BCL2: variants seen among roughly 807,000 people sequenced by gnomAD.
BCL2 encodes BCL2 apoptosis regulator.
Under a neutral mutation model 14.2 loss-of-function variants are expected in BCL2, and 1 was observed. The ratio of observed to expected loss-of-function variants is 0.07; its 90% CI spans 0.02 to 0.33. The LOEUF is 0.33. Among genes scored for constraint, BCL2 ranks in the 10% least tolerant of loss-of-function variants. The probability of loss-of-function intolerance (pLI) is 0.99; values close to 1 mark genes in which losing one functional copy is unlikely to be tolerated. For synonymous variants in BCL2, 151 were observed against 137.2 expected (o/e 1.10, Z -0.70); for missense variants, 247 against 305.9 (o/e 0.81, Z 1.44).
chr18:63,155,992 T>C (rs1914770777), intron 2 of BCL2, among the ~76,000 whole-genome samples: 1 of 151,866 alleles, frequency 6.6e-6, no homozygotes, highest in South Asian at 2.1e-4. Flanking sequence ...GGGACTCTTG[T>C]TCTTTTTCTT....
intron 2 of BCL2, among the ~76,000 whole-genome samples, chr18:63,141,644 G>T (rs1175781266): frequency 6.6e-6 from 1 of 152,236 alleles, no homozygotes; most frequent in Non-Finnish European, 1.5e-5. Flanking sequence ...TCCACTGCCT[G>T]ACAGGGGCTG....
chr18:63,213,122 T>C (rs1910093104), intron 2 of BCL2, among the ~76,000 whole-genome samples: 1 of 152,186 alleles, frequency 6.6e-6, no homozygotes, highest in Admixed American at 6.5e-5. Context: ...TCTGTGTTAC[T>C]TTTGCTCCCA....
rs1021127771 is a variant in BCL2, at chr18:63,302,303, A to G, written c.585+15779T>C. On this transcript the variant is annotated intron_variant, in intron 2 of 2. Transcript: ENST00000333681. ...GCAACAAGAGCAAAACTCCTTCTCA[A>G]AAAAAAAAAAAAGAGAGAGAAAGAG... 6.3e-6 allele frequency: 5 copies of G among 789,316 alleles called. No homozygotes were observed. The African/African-American group carries it at 9.5e-5, about 15-fold the overall frequency. 48.9% of individuals were successfully genotyped at this position (789,316 alleles called of 1,614,324 possible). A position where few individuals can be genotyped will look rare whatever the true frequency, so the allele number is the denominator to read the frequency against.
At chr18:63,307,567 T>C (rs111619138) in intron 2 of BCL2, among the ~76,000 whole-genome samples, 264 of 152,360 alleles carry the variant, frequency 1.7e-3, no homozygotes, top group Non-Finnish European at 3.5e-3. Flanking sequence ...TTTTTTTCCC[T>C]GAGCCACAAG....
chr18:63,143,350 T>C (rs1400523935), intron 2 of BCL2, among the ~76,000 whole-genome samples: 3 of 152,258 alleles, frequency 2.0e-5, no homozygotes, highest in Non-Finnish European at 4.4e-5. Context: ...GACAGCTGGC[T>C]GACCTGACCC....
intron 2 of BCL2, among the ~76,000 whole-genome samples, chr18:63,198,924 G>A (rs1354050627): frequency 1.4e-5 from 2 of 145,206 alleles, no homozygotes; most frequent in Non-Finnish European, 3.0e-5. Context: ...GACACACACA[G>A]ACACAGAGAC....
intron 2 of BCL2, among the ~76,000 whole-genome samples, chr18:63,273,066 G>T (rs774991309): frequency 1.3e-5 from 2 of 151,352 alleles, no homozygotes; most frequent in Non-Finnish European, 2.9e-5. Context: ...TGATAATGCA[G>T]CAGGATTTTC....
intron 2 of BCL2, among the ~76,000 whole-genome samples, chr18:63,187,389 T>G (rs1029856249): frequency 6.6e-6 from 1 of 152,254 alleles, no homozygotes; most frequent in Non-Finnish European, 1.5e-5. Flanking sequence ...ACAGATGTAC[T>G]GTGTGCCCTT....
chr18:63,263,097 C>T (rs1911707752), intron 2 of BCL2, among the ~76,000 whole-genome samples: 1 of 152,168 alleles, frequency 6.6e-6, no homozygotes, highest in South Asian at 2.1e-4. Flanking sequence ...AAACTGTGCT[C>T]ATCAGGGAAC....
intron 2 of BCL2, among the ~76,000 whole-genome samples, chr18:63,225,632 G>A (rs1275636476): frequency 1.3e-5 from 2 of 152,210 alleles, no homozygotes; most frequent in Non-Finnish European, 2.9e-5. Flanking sequence ...GGGAACTGGA[G>A]TGCATGGGCG....
At chr18:63,260,610 C>A (rs749341632) in intron 2 of BCL2, among the ~76,000 whole-genome samples, 1 of 152,118 alleles carries the variant, frequency 6.6e-6, no homozygotes, top group Non-Finnish European at 1.5e-5. Flanking sequence ...CATAACCCAA[C>A]TTCTTAAGGG....
intron 2 of BCL2, among the ~76,000 whole-genome samples, chr18:63,209,532 C>T (rs971629078): frequency 1.3e-5 from 2 of 152,096 alleles, no homozygotes; most frequent in Non-Finnish European, 2.9e-5. Context: ...TATAAATCCT[C>T]AACCCAATAC....
rs188466538 is a variant in BCL2, at chr18:63,308,207, C to T, written c.585+9875G>A. Among the ~76,000 whole-genome samples, 20 of 152,276 alleles carry T rather than the reference C, an allele frequency of 1.3e-4. 1 individual carries two copies. Among genetic ancestry groups the T allele is most frequent in the Admixed American group, 7.2e-4 (11 of 15,302 alleles). ...TTAGAAATGGAATCTTAGGTTCTGT[C>T]GCCTCTGGGAATGCCGCACTGTACT... is the stretch of plus-strand genomic sequence containing the variant. On this transcript the variant is annotated intron_variant, in intron 2 of 2. Coordinates refer to ENST00000333681, the MANE Select transcript of BCL2 (RefSeq NM_000633.3).
intron 2 of BCL2, among the ~76,000 whole-genome samples, chr18:63,252,360 A>G (rs1911342037): frequency 6.6e-6 from 1 of 152,122 alleles, no homozygotes; most frequent in Non-Finnish European, 1.5e-5. Flanking sequence ...ATATGTCCTC[A>G]TATCTTAGTG....
chr18:63,169,431 CTTTT>C (rs1403870005), intron 2 of BCL2, among the ~76,000 whole-genome samples: 1 of 134,974 alleles, frequency 7.4e-6, no homozygotes, highest in Admixed American at 7.7e-5. Flanking sequence ...CTCTCTCTTT[CTTTT>C]TCTTTCTTTC....
At chr18:63,232,090 G>A (rs377356272) in intron 2 of BCL2, among the ~76,000 whole-genome samples, 34 of 152,008 alleles carry the variant, frequency 2.2e-4, no homozygotes, top group African/African-American at 8.0e-4. Context: ...CTAATAGGTG[G>A]TTCGCAGACA....
At chr18:63,222,295 G>A (rs1177250295) in intron 2 of BCL2, among the ~76,000 whole-genome samples, 60 of 136,426 alleles carry the variant, frequency 4.4e-4, no homozygotes, top group African/African-American at 5.4e-4. Context: ...AAAAGAAAAA[G>A]AAAAAAGAAA....
intron 2 of BCL2, among the ~76,000 whole-genome samples, chr18:63,141,340 G>A (rs574230993): frequency 2.6e-5 from 4 of 152,224 alleles, no homozygotes; most frequent in East Asian, 1.9e-4. Flanking sequence ...TCTTCCATCC[G>A]CCACTTCTCC....
intron 2 of BCL2, among the ~76,000 whole-genome samples, chr18:63,297,680 A>G (rs770883628): frequency 6.6e-6 from 1 of 152,212 alleles, no homozygotes. Flanking sequence ...AGAATAAAGG[A>G]CTTTTTGAAA....
Sources: gnomAD v4.1 joint callset for allele counts (sites outside exome capture counted in the v4.1 genomes callset) on GRCh38, gnomAD v4.1.1 for gene constraint, MANE v1.5 for transcripts, NCBI Gene and HGNC (gene_info 2026-07-23, HGNC 2026-07-21) for gene names.